The following HS6ST3 variants were observed in gnomAD, a reference collection of about 807,000 sequenced individuals.
HS6ST3 encodes the protein heparan sulfate 6-O-sulfotransferase 3.
Under a neutral mutation model 36.7 loss-of-function variants are expected in HS6ST3, and 12 were observed. The observed-to-expected ratio is 0.33, with a 90% confidence interval of 0.21 to 0.53. HS6ST3 has a LOEUF of 0.53. HS6ST3 is among the 20% of genes least tolerant of loss of function. HS6ST3 has a pLI of 0.95. For missense variants in HS6ST3, 584 were observed against 640.9 expected (o/e 0.91, Z 0.96); for synonymous variants, 240 against 257.5 (o/e 0.93, Z 0.65).
chr13:96,119,002 G>C (rs1028528283), intron 1 of HS6ST3, among the ~76,000 whole-genome samples: 1 of 151,838 alleles, frequency 6.6e-6, no homozygotes, highest in South Asian at 2.1e-4. Flanking sequence ...GAGCCACCGC[G>C]CCCGGCCACA....
chr13:96,570,458 A>G (rs1435531455), intron 1 of HS6ST3, among the ~76,000 whole-genome samples: 1 of 152,240 alleles, frequency 6.6e-6, no homozygotes, highest in African/African-American at 2.4e-5. Context: ...GGTGTTGCAC[A>G]TTAAAAGGAT....
intron 1 of HS6ST3, among the ~76,000 whole-genome samples, chr13:96,830,584 G>A (rs1288830230): frequency 6.6e-6 from 1 of 152,128 alleles, no homozygotes; most frequent in Non-Finnish European, 1.5e-5. Flanking sequence ...AAAATGACCT[G>A]GTTTTGTTCC....
chr13:96,460,027 C>A (rs1479342988), intron 1 of HS6ST3, among the ~76,000 whole-genome samples: 2 of 152,114 alleles, frequency 1.3e-5, no homozygotes, highest in African/African-American at 4.8e-5. Context: ...TTTTGAGTAG[C>A]TAAATTTGCT....
At chr13:96,243,377 G>C (rs182916807) in intron 1 of HS6ST3, among the ~76,000 whole-genome samples, 16 of 152,270 alleles carry the variant, frequency 1.1e-4, no homozygotes, top group African/African-American at 3.6e-4. Context: ...AAACTCCTTT[G>C]ATACTCTTAA....
At chr13:96,509,664 C>T (rs1410019815) in intron 1 of HS6ST3, among the ~76,000 whole-genome samples, 1 of 152,080 alleles carries the variant, frequency 6.6e-6, no homozygotes, top group Admixed American at 6.6e-5. Flanking sequence ...GTGTATTTGG[C>T]TTTGTTTCTG....
chr13:96,313,683 A>G (rs1247759029), intron 1 of HS6ST3, among the ~76,000 whole-genome samples: 1 of 152,122 alleles, frequency 6.6e-6, no homozygotes, highest in Non-Finnish European at 1.5e-5. Flanking sequence ...GATGTGTTTC[A>G]TTTCTGAATT....
intron 1 of HS6ST3, among the ~76,000 whole-genome samples, chr13:96,194,982 C>A (rs1288710690): frequency 6.6e-6 from 1 of 152,136 alleles, no homozygotes. Context: ...AGGTCATGTG[C>A]TGCTCATGGA....
At chr13:96,477,246 C>A (rs1279376814) in intron 1 of HS6ST3, among the ~76,000 whole-genome samples, 1 of 152,082 alleles carries the variant, frequency 6.6e-6, no homozygotes, top group Non-Finnish European at 1.5e-5. Flanking sequence ...AAGCAATGTG[C>A]CTTTTGAGCT....
chr13:96,101,316 T>C (rs1232712741), intron 1 of HS6ST3, among the ~76,000 whole-genome samples: 1 of 152,002 alleles, frequency 6.6e-6, no homozygotes. Context: ...TTCTCTAGAG[T>C]AATATTTATG....
intron 1 of HS6ST3, among the ~76,000 whole-genome samples, chr13:96,513,581 A>G (rs915815813): frequency 2.6e-5 from 4 of 151,688 alleles, no homozygotes; most frequent in Non-Finnish European, 5.9e-5. Context: ...GTTACTTTTT[A>G]TTTCCTTACA....
chr13:96,606,581 G>GAGAGGGAGGGAC (rs2056439352), intron 1 of HS6ST3, among the ~76,000 whole-genome samples: 2 of 142,108 alleles, frequency 1.4e-5, no homozygotes, highest in Non-Finnish European at 3.1e-5. Flanking sequence ...GGAGGAGGGA[G>GAGAGGGAGGGAC]AGAGGGAGGG....
chr13:96,806,723 TTAGTTAACTGA>T (rs1351776663), intron 1 of HS6ST3, among the ~76,000 whole-genome samples: 5 of 152,178 alleles, frequency 3.3e-5, no homozygotes, highest in Non-Finnish European at 4.4e-5. Context: ...AAGTGAAGCC[TTAGTTAACTGA>T]AAGGGTTGAC....
intron 1 of HS6ST3, among the ~76,000 whole-genome samples, chr13:96,638,075 C>T (rs1026693332): frequency 1.4e-4 from 21 of 152,188 alleles, no homozygotes; most frequent in African/African-American, 4.8e-4. Context: ...CTTGGTTTTA[C>T]CTGGACAGAG....
intron 1 of HS6ST3, among the ~76,000 whole-genome samples, chr13:96,356,163 C>T (rs1233104383): frequency 6.6e-6 from 1 of 152,110 alleles, no homozygotes; most frequent in African/African-American, 2.4e-5. Flanking sequence ...GCTATTTCTA[C>T]CCCAACTGTG....
rs374942949 is a variant in HS6ST3, at chr13:96,553,418, T to A, written c.708-279072T>A. ...TCGAGATGCTGGGTGGTGGATGGGA[T>A]ATGAATGGTCCAGAAGACCACAGCT... On this transcript the variant is annotated intron_variant, in intron 1 of 1. Transcript: ENST00000376705. 7.9e-5 allele frequency among the ~76,000 whole-genome samples: 12 copies of A among 152,254 alleles called. No homozygotes were observed. The East Asian group carries it at 1.7e-3, about 22-fold the overall frequency.
At chr13:96,307,063 G>T (rs1245157656) in intron 1 of HS6ST3, among the ~76,000 whole-genome samples, 1 of 152,098 alleles carries the variant, frequency 6.6e-6, no homozygotes, top group Non-Finnish European at 1.5e-5. Context: ...ACCCCCAGGG[G>T]AATAATGATA....
At chr13:96,157,664 G>A (rs914384252) in intron 1 of HS6ST3, among the ~76,000 whole-genome samples, 1 of 152,116 alleles carries the variant, frequency 6.6e-6, no homozygotes, top group Non-Finnish European at 1.5e-5. Flanking sequence ...GAACTAGAGG[G>A]TTATATTTTG....
In HS6ST3 at chr13:96,584,789, T is replaced by G. The variant is rs537458450; in HGVS notation, c.708-247701T>G. On this transcript the variant is annotated intron_variant, in intron 1 of 1. Transcript: ENST00000376705. ...TTATAAGGTCCAGGGAAGCTAACCA[T>G]GATACAGTGCATGGGACAGTCCCAT... Among the ~76,000 whole-genome samples, 29 of 152,290 alleles carry G rather than the reference T, an allele frequency of 1.9e-4. No individual in the cohort carries two copies. In the East Asian group the frequency reaches 5.4e-3, roughly 28 times the overall value.
In HS6ST3 at chr13:96,594,721, T is replaced by C. The variant is rs1394843146; in HGVS notation, c.708-237769T>C. ...GAGCTATTTTTATTTTTAATAGTTTTGTCTTTTAACCTTTGTACTAAAGGT... is the reference window on the plus strand; with the variant it reads ...GAGCTATTTTTATTTTTAATAGTTTCGTCTTTTAACCTTTGTACTAAAGGT... On this transcript the variant is annotated intron_variant, in intron 1 of 1. Transcript: ENST00000376705. Among the ~76,000 whole-genome samples the C allele has an allele frequency of 2.6e-5, 4 of 152,220 alleles. No homozygotes were observed. The East Asian group carries it at 7.7e-4, about 29-fold the overall frequency.
Sources: gnomAD v4.1 joint callset for allele counts (sites outside exome capture counted in the v4.1 genomes callset) on GRCh38, gnomAD v4.1.1 for gene constraint, MANE v1.5 for transcripts, NCBI Gene and HGNC (gene_info 2026-07-23, HGNC 2026-07-21) for gene names.